HGF: variants seen among roughly 807,000 people sequenced by gnomAD.
HGF encodes hepatocyte growth factor, also known as fibroblast-derived tumor cytotoxic factor.
A neutral mutation model predicts 111.6 loss-of-function variants in HGF; 39 were observed. The ratio of observed to expected loss-of-function variants is 0.35; its 90% confidence interval spans 0.27 to 0.46. HGF has a LOEUF of 0.46. Ranked by LOEUF, HGF falls within the 20% of genes least tolerant of loss-of-function variation. The pLI is 1.00. For synonymous variants in HGF, 285 were observed against 294.8 expected (o/e 0.97, Z 0.34); for missense variants, 735 against 910.5 (o/e 0.81, Z 2.48).
chr7:81,714,442 T>C lies in HGF; in HGVS notation c.1405+2790A>G, dbSNP rs892383437. Among the ~76,000 whole-genome samples, 5 of 152,258 alleles carry C rather than the reference T, an allele frequency of 3.3e-5. 1 individual carries two copies. The highest frequency in any genetic ancestry group is 3.3e-4 in the Admixed American group (5 of 15,284). Reference sequence around the variant, plus strand: ...AATAGTCCCATATAATAGGTACTTTTATTATAAAATATTGCAAATACAAAT... The same window carrying C: ...AATAGTCCCATATAATAGGTACTTTCATTATAAAATATTGCAAATACAAAT... On this transcript the variant is annotated intron_variant, in intron 11 of 17. Transcript: ENST00000222390.
intron 2 of HGF, among the ~76,000 whole-genome samples, chr7:81,759,811 A>G (rs1318776299): frequency 6.6e-6 from 1 of 152,182 alleles, no homozygotes; most frequent in Non-Finnish European, 1.5e-5. Context: ...ATATTAGAGA[A>G]TATCTTTTTG....
At chr7:81,732,429 AT>A (rs901250883) in intron 7 of HGF, among the ~76,000 whole-genome samples, 5 of 152,056 alleles carry the variant, frequency 3.3e-5, no homozygotes, top group African/African-American at 9.7e-5. Flanking sequence ...AGAGAGTAAA[AT>A]TTTCTGTCTA....
chr7:81,757,373 G>A lies in HGF; in HGVS notation c.368-70C>T, dbSNP rs184373162. On this transcript the variant is annotated intron_variant, in intron 3 of 17. Transcript: ENST00000222390. ...ATGCAGTATTTAAGAAAAAAATTCC[G>A]TTCAAACCTGTAAGTAATTAACTCT... 435 of 793,588 alleles carry A rather than the reference G, an allele frequency of 5.5e-4. 2 individuals carry two copies. Among genetic ancestry groups the A allele is most frequent in the South Asian group, 1.2e-3 (88 of 71,214 alleles). The allele number at this position is 793,588 out of a possible 1,614,324, so 49.2% of individuals were successfully genotyped here.
intron 9 of HGF, among the ~76,000 whole-genome samples, chr7:81,725,453 G>A (rs192724520): frequency 6.6e-6 from 1 of 152,242 alleles, no homozygotes; most frequent in East Asian, 1.9e-4. Flanking sequence ...TATATGTTAA[G>A]CAAGTAAGAT....
chr7:81,736,929 G>GTGT (rs373877352), intron 7 of HGF, among the ~76,000 whole-genome samples: 2 of 142,490 alleles, frequency 1.4e-5, no homozygotes, highest in Non-Finnish European at 3.1e-5. Context: ...GTGTGTGTGT[G>GTGT]GTGTTCTATA....
chr7:81,730,242 A>G (rs1583952801), intron 7 of HGF, among the ~76,000 whole-genome samples: 1 of 152,114 alleles, frequency 6.6e-6, no homozygotes, highest in East Asian at 1.9e-4. Flanking sequence ...TGAGGTCAGG[A>G]GTTTAAGACC....
chr7:81,760,682 T>TGCGTGC (rs558018961), intron 2 of HGF, among the ~76,000 whole-genome samples: 241 of 7,542 alleles, frequency 0.032, no homozygotes, highest in African/African-American at 0.036. Flanking sequence ...TGTGCGTGCG[T>TGCGTGC]GTGTGTGTGT....
At chr7:81,760,680 CGTGTGTGTGTGTGTGT>C (rs55865050) in intron 2 of HGF, among the ~76,000 whole-genome samples, 22 of 139,570 alleles carry the variant, frequency 1.6e-4, no homozygotes, top group Admixed American at 5.0e-4. Flanking sequence ...TATGTGCGTG[CGTGTGTGTGTGTGTGT>C]GTGTGTGTGT....
At chr7:81,710,118 A>G (rs1319736354) in intron 13 of HGF, 29 bp downstream of exon 13, 1 of 1,354,102 alleles carries the variant, frequency 7.4e-7, no homozygotes, top group African/African-American at 1.4e-5. Context: ...TATTCTGGAT[A>G]TGCATGACTT....
At chr7:81,730,346 T>G (rs1787605383) in intron 7 of HGF, among the ~76,000 whole-genome samples, 1 of 152,094 alleles carries the variant, frequency 6.6e-6, no homozygotes, top group African/African-American at 2.4e-5. Flanking sequence ...TCCCAGCTAC[T>G]TGGGAGGCTG....
intron 1 of HGF, among the ~76,000 whole-genome samples, chr7:81,769,386 T>C (rs1201776243): frequency 1.3e-5 from 2 of 152,234 alleles, no homozygotes; most frequent in Admixed American, 6.5e-5. Flanking sequence ...GAGTTTATTC[T>C]GCCTCCTCAA....
At position 81,717,379 on chromosome 7, in the gene HGF, A is replaced by G. The variant is rs2115849665; in HGVS notation, c.1272-14T>C. On this transcript the variant is annotated splice_polypyrimidine_tract_variant and intron_variant, in intron 10 of 17. Coordinates refer to ENST00000222390, the MANE Select transcript of HGF (RefSeq NM_000601.6). ...CAGAAGATATGACTGTGGAAACAAC[A>G]GGCCTTGCACATCACAAGATGCTCA... The G allele has an allele frequency of 6.2e-7, 1 of 1,611,762 alleles. No individual in the cohort carries two copies. Among genetic ancestry groups the G allele is most frequent in the Non-Finnish European group, 8.5e-7 (1 of 1,177,962 alleles).
At chr7:81,711,593 T>C (rs1406069155) in intron 11 of HGF, 74 bp from the exon 12 acceptor site, 8 of 651,996 alleles carry the variant, frequency 1.2e-5, no homozygotes, top group South Asian at 7.6e-5. Context: ...CAAATATATA[T>C]TAAAATCCAA....
chr7:81,743,112 T>C (rs1788076574), intron 7 of HGF, among the ~76,000 whole-genome samples: 1 of 152,252 alleles, frequency 6.6e-6, no homozygotes, highest in Non-Finnish European at 1.5e-5. Context: ...GTTTAGGCTC[T>C]TGCCATAAGT....
intron 17 of HGF, among the ~76,000 whole-genome samples, chr7:81,703,576 TA>T (rs1181746946): frequency 1.3e-5 from 2 of 149,002 alleles, no homozygotes; most frequent in African/African-American, 4.9e-5. Context: ...TATAATTATA[TA>T]AAAATATATA....
At chr7:81,751,128 T>A in intron 5 of HGF, 2 of 902,334 alleles carry the variant, frequency 2.2e-6, no homozygotes, top group South Asian at 5.1e-5. Context: ...ATCAACCTAA[T>A]ATTAAATGAA....
intron 11 of HGF, among the ~76,000 whole-genome samples, chr7:81,711,788 C>T (rs557563605): frequency 6.6e-6 from 1 of 152,014 alleles, no homozygotes; most frequent in African/African-American, 2.4e-5. Context: ...GAACCACAGG[C>T]ACACACCACC....
rs1364360898 is a variant in HGF at position 81,769,919 on chromosome 7, T to C, written c.53A>G (p.His18Arg). 2.5e-6 allele frequency: 4 copies of C among 1,569,840 alleles called. No individual in the cohort carries two copies. The highest frequency in any genetic ancestry group is 2.3e-5 in the East Asian group (1 of 42,674). Residue 18 changes from histidine (H) to arginine (R), a missense_variant, in exon 1 of 18, where the codon CAT (histidine) becomes CGT (arginine). Transcript: ENST00000222390. ...PALLLQHVLL[H>R]LLLLPIAIPY... ...GATGGCGATGGGGAGCAGGAGGAGATGCAGGAGGACATGCTGCAGCAGCAG... is the reference window on the plus strand; with the variant it reads ...GATGGCGATGGGGAGCAGGAGGAGACGCAGGAGGACATGCTGCAGCAGCAG...
chr7:81,708,174 T>A (rs1485286632), intron 13 of HGF, among the ~76,000 whole-genome samples: 1 of 152,160 alleles, frequency 6.6e-6, no homozygotes, highest in Non-Finnish European at 1.5e-5. Context: ...CACAGTTATT[T>A]ATGGCCTTTA....
Sources: gnomAD v4.1 joint callset for allele counts (sites outside exome capture counted in the v4.1 genomes callset) on GRCh38, gnomAD v4.1.1 for gene constraint, MANE v1.5 for transcripts, NCBI Gene and HGNC (gene_info 2026-07-23, HGNC 2026-07-21) for gene names.